Variants in ADISSP observed in about 807,000 individuals in gnomAD.
ADISSP encodes the protein adipose secreted signaling protein, also known as adipose-secreted signaling protein.
chr20:3,753,835 G>A, the ADISSP span: 3 of 589,156 alleles, frequency 5.1e-6, no homozygotes, highest in East Asian at 2.9e-5. Flanking sequence ...ATTTCTTCCG[G>A]CAGGAGACTG....
chr20:3,757,008 C>T, the ADISSP span, among the ~76,000 whole-genome samples: 13 of 120,862 alleles, frequency 1.1e-4, no homozygotes. Context: ...CTGGATCCAT[C>T]ACCATAGTGT....
the ADISSP span, among the ~76,000 whole-genome samples, chr20:3,757,779 C>T: frequency 6.6e-6 from 1 of 152,118 alleles, no homozygotes; most frequent in South Asian, 2.1e-4. Context: ...CAGGCGTGCG[C>T]CACCACGCTC....
At chr20:3,763,552 C>G in the ADISSP span, among the ~76,000 whole-genome samples, 1 of 104,076 alleles carries the variant, frequency 9.6e-6, no homozygotes, top group East Asian at 2.8e-4. Flanking sequence ...AGCAAAACTC[C>G]GTCTCAAAAA....
the ADISSP span, chr20:3,755,313 A>T: frequency 1.5e-6 from 1 of 654,960 alleles, no homozygotes. Flanking sequence ...CAAGGCCTGG[A>T]GTGTGGGACC....
the ADISSP span, among the ~76,000 whole-genome samples, chr20:3,757,674 G>A: frequency 1.3e-5 from 2 of 152,040 alleles, no homozygotes; most frequent in Admixed American, 1.3e-4. Flanking sequence ...TGTTGCCCAG[G>A]CTGGAGTGCA....
the ADISSP span, among the ~76,000 whole-genome samples, chr20:3,763,287 G>A: frequency 2.6e-4 from 39 of 150,590 alleles, no homozygotes; most frequent in Middle Eastern, 6.8e-3. Flanking sequence ...GCCGGGTGAG[G>A]TGGCTCACGC....
At chr20:3,761,452 C>T in the ADISSP span, among the ~76,000 whole-genome samples, 10 of 152,168 alleles carry the variant, frequency 6.6e-5, no homozygotes, top group South Asian at 1.7e-3. Context: ...TCTCCCACCT[C>T]AGCATCCCGA....
At chr20:3,765,606 G>A in the ADISSP span, among the ~76,000 whole-genome samples, 1 of 152,240 alleles carries the variant, frequency 6.6e-6, no homozygotes, top group African/African-American at 2.4e-5. Context: ...AGCACCGTCA[G>A]AGAGGCACTT....
the ADISSP span, among the ~76,000 whole-genome samples, chr20:3,763,784 G>A: frequency 4.6e-5 from 7 of 152,220 alleles, no homozygotes; most frequent in African/African-American, 1.7e-4. Context: ...GGCTGGGCCT[G>A]TGGAGGGCAT....
chr20:3,755,421 G>T, the ADISSP span: 1 of 1,578,902 alleles, frequency 6.3e-7, no homozygotes, highest in Non-Finnish European at 8.6e-7. Flanking sequence ...AGCACCCCAT[G>T]TTCTCACTCC....
chr20:3,758,027 A>C, the ADISSP span, among the ~76,000 whole-genome samples: 2 of 152,046 alleles, frequency 1.3e-5, no homozygotes, highest in East Asian at 1.9e-4. This position sits in a 1 kb window ranked among gnomAD's most constrained non-coding sequence, Gnocchi z 5.5. Context: ...GGGGGTGATA[A>C]TACTACTTCA....
the ADISSP span, among the ~76,000 whole-genome samples, chr20:3,757,220 C>T: frequency 4.0e-5 from 6 of 151,874 alleles, no homozygotes; most frequent in African/African-American, 7.3e-5. Context: ...AGTGGTGGCA[C>T]GCGCCTGTAA....
At chr20:3,760,219 A>G in the ADISSP span, 1 of 792,318 alleles carries the variant, frequency 1.3e-6, no homozygotes, top group Non-Finnish European at 2.1e-6. Flanking sequence ...GGCAGGGGTC[A>G]GGGCCACTCA....
chr20:3,763,250 T>C, the ADISSP span, among the ~76,000 whole-genome samples: 2 of 88,150 alleles, frequency 2.3e-5, no homozygotes, highest in African/African-American at 4.6e-5. Flanking sequence ...AGCGAGACTC[T>C]GTCTCAAAAA....
At chr20:3,757,247 G>A in the ADISSP span, among the ~76,000 whole-genome samples, 16 of 152,216 alleles carry the variant, frequency 1.1e-4, no homozygotes, top group African/African-American at 3.4e-4. Context: ...CTACTCTGGA[G>A]GCTGAGGCAG....
the ADISSP span, among the ~76,000 whole-genome samples, chr20:3,765,651 A>G: frequency 1.3e-5 from 2 of 152,156 alleles, no homozygotes; most frequent in Non-Finnish European, 2.9e-5. Flanking sequence ...AGTGACCCTT[A>G]GAGTGGGCCC....
At chr20:3,755,110 G>T in the ADISSP span, among the ~76,000 whole-genome samples, 55 of 152,310 alleles carry the variant, frequency 3.6e-4, no homozygotes, top group African/African-American at 1.2e-3. Context: ...GTGGGTGCTA[G>T]GAGTTATCCA....
the ADISSP span, chr20:3,760,293 C>G: frequency 1.7e-6 from 1 of 580,888 alleles, no homozygotes; most frequent in Non-Finnish European, 3.1e-6. Context: ...CCCTACCGCT[C>G]TCAGCAGCCC....
the ADISSP span, chr20:3,755,339 G>C: frequency 1.1e-5 from 9 of 815,624 alleles, no homozygotes; most frequent in Non-Finnish European, 1.6e-5. Flanking sequence ...TGCTGCCACA[G>C]TGCAAGCTCA....
Sources: allele counts gnomAD v4.1 joint callset (sites outside exome capture counted in the v4.1 genomes callset), GRCh38; gene constraint gnomAD v4.1.1; non-coding constraint Gnocchi (gnomAD v3.1); transcripts MANE v1.5; gene names NCBI Gene and HGNC (gene_info 2026-07-23, HGNC 2026-07-21).